IGLL5: variants seen among roughly 807,000 people sequenced by gnomAD.
IGLL5 encodes immunoglobulin lambda like polypeptide 5, also known as immunoglobulin lambda-like polypeptide 5.
A neutral mutation model predicts 20.9 loss-of-function variants in IGLL5; 30 were observed. The observed-to-expected ratio is 1.44, with a 90% confidence interval of 1.07 to 1.95. The LOEUF (loss-of-function observed/expected upper bound fraction) is 1.95. IGLL5 is among the 30% of genes most tolerant of loss of function. IGLL5 has a pLI of 0.00. For missense variants in IGLL5, 475 were observed against 270.7 expected (o/e 1.75, Z -5.30); for synonymous variants, 203 against 117.3 (o/e 1.73, Z -4.72).
chr22:22,888,316 G>T (rs547579425), intron 1 of IGLL5, 57 bp downstream of exon 1: 5 of 1,502,444 alleles, frequency 3.3e-6, no homozygotes, highest in East Asian at 2.5e-5. Flanking sequence ...CTGGGAAAGG[G>T]TGACCAAGGG....
intron 1 of IGLL5, 31 bp downstream of exon 1, chr22:22,888,290 G>C (rs1291471006): frequency 6.5e-7 from 1 of 1,540,084 alleles, no homozygotes; most frequent in Non-Finnish European, 8.8e-7. Flanking sequence ...GGGGATGTGG[G>C]GGTCCTGCAG....
In IGLL5 at chr22:22,895,901, A is replaced by G. The variant is rs1404984764; in HGVS notation, c.*207A>G. 1 of 627,722 alleles carries G rather than the reference A, an allele frequency of 1.6e-6. No homozygotes were observed. The highest frequency in any genetic ancestry group is 2.8e-6 in the Non-Finnish European group (1 of 354,074). 38.9% of individuals were successfully genotyped at this position (627,722 alleles called of 1,614,324 possible). A position where few individuals can be genotyped will look rare whatever the true frequency, so the allele number is the denominator to read the frequency against. On this transcript the variant is annotated 3_prime_UTR_variant, in exon 3 of 3. Transcript: ENST00000526893. ...CTCCCCGGGGTTCTCAGTGTGGGGTACAGGGAATTCTGCACCCAGTGTGAA... is the reference window on the plus strand; with the variant it reads ...CTCCCCGGGGTTCTCAGTGTGGGGTGCAGGGAATTCTGCACCCAGTGTGAA...
At chr22:22,894,444 A>C (rs570958590) in intron 2 of IGLL5, among the ~76,000 whole-genome samples, 2 of 151,486 alleles carry the variant, frequency 1.3e-5, no homozygotes, top group Middle Eastern at 3.7e-3. Flanking sequence ...GCCAGAATCC[A>C]ACCCTCCCAG....
rs377386521 is a variant in IGLL5 at position 22,895,565 on chromosome 22, C to G, written c.516C>G (p.Asn172Lys). The change falls in exon 3 of 3, where the codon AAC becomes AAG. Residue 172 changes from asparagine (N) to lysine (K), a missense_variant. Physicochemically the swap from Asn to Lys is moderately conservative, Grantham distance 94 (BLOSUM62 0). Transcript: ENST00000526893. ...ETTKPSKQSN[N>K]KYAASSYLSL... ...CCAAACCCTCCAAACAGAGCAACAA[C>G]AAGTACGCGGCCAGCAGCTACCTGA... 6.2e-6 allele frequency: 10 copies of G among 1,613,170 alleles called. No homozygotes were observed. Among genetic ancestry groups the G allele is most frequent in the Non-Finnish European group, 8.5e-6 (10 of 1,179,762 alleles).
Position 22,888,144 on chromosome 22 carries a change from C to G in IGLL5, c.91C>G (p.Leu31Val), listed in dbSNP as rs1364447146. 1 of 1,549,732 alleles carries G rather than the reference C, an allele frequency of 6.5e-7. No individual in the cohort carries two copies. Among genetic ancestry groups the G allele is most frequent in the Admixed American group, 2.0e-5 (1 of 50,852 alleles). The part of the protein sequence containing the change: ...RQRWPLLLLG[L>V]AMVAHGLLRP... ...GCGCTGGCCCCTGCTGCTGCTGGGT[C>G]TGGCCATGGTCGCCCATGGCCTGCT... Residue 31 changes from leucine to valine, a missense_variant, in exon 1 of 3, where the codon CTG becomes GTG. Leu to Val is a conservative substitution (Grantham distance 32). Transcript: ENST00000526893.
intron 1 of IGLL5, among the ~76,000 whole-genome samples, chr22:22,889,401 T>A (rs2145995376): frequency 6.6e-6 from 1 of 151,198 alleles, no homozygotes; most frequent in East Asian, 2.0e-4. Context: ...CAAAGTGTGT[T>A]TATCTAAACT....
Position 22,887,857 on chromosome 22 carries a change from G to T in IGLL5, c.-197G>T, listed in dbSNP as rs2067551485. ...AGTTGGTAGATGCCCCTCTGGGAGA[G>T]ATCCCCAGGGGTGACAGCCATGGAC... On this transcript the variant is annotated 5_prime_UTR_variant, in exon 1 of 3. Coordinates refer to ENST00000526893, the MANE Select transcript of IGLL5 (RefSeq NM_001178126.2). 1.6e-6 allele frequency: 1 copy of T among 618,144 alleles called. No individual in the cohort carries two copies. The highest frequency in any genetic ancestry group is 1.8e-5 in the African/African-American group (1 of 54,204). 38.3% of individuals were successfully genotyped at this position (618,144 alleles called of 1,614,324 possible).
At chr22:22,894,232 C>T (rs2068003038) in intron 2 of IGLL5, among the ~76,000 whole-genome samples, 1 of 151,024 alleles carries the variant, frequency 6.6e-6, no homozygotes, top group African/African-American at 2.4e-5. Context: ...GGAGCAGCCC[C>T]AAGAACAGCT....
intron 1 of IGLL5, among the ~76,000 whole-genome samples, 166 bp downstream of exon 1, chr22:22,888,425 T>G (rs559175228): frequency 1.3e-5 from 2 of 151,448 alleles, no homozygotes; most frequent in Admixed American, 6.6e-5. Context: ...CATCACAGAT[T>G]TGTTTGAATT....
At chr22:22,888,778 A>T (rs563180671) in intron 1 of IGLL5, among the ~76,000 whole-genome samples, 1 of 151,384 alleles carries the variant, frequency 6.6e-6, no homozygotes, top group Non-Finnish European at 1.5e-5. Context: ...AGGCTCAAGG[A>T]CACAGGGAGG....
At chr22:22,889,036 A>G (rs1490745000) in intron 1 of IGLL5, among the ~76,000 whole-genome samples, 2 of 151,370 alleles carry the variant, frequency 1.3e-5, no homozygotes, top group Middle Eastern at 3.7e-3. Flanking sequence ...GGGTCCGTGC[A>G]CCATTCCCAG....
chr22:22,894,945 A>G (rs138588763), intron 2 of IGLL5, among the ~76,000 whole-genome samples: 4 of 151,434 alleles, frequency 2.6e-5, no homozygotes, highest in Admixed American at 6.6e-5. Context: ...GTCCTACAGG[A>G]TGAGCAGGGG....
At chr22:22,891,618 G>T (rs765709517) in intron 1 of IGLL5, among the ~76,000 whole-genome samples, 7 of 151,226 alleles carry the variant, frequency 4.6e-5, no homozygotes, top group Non-Finnish European at 8.8e-5. Context: ...TTTGAGAACT[G>T]CTATCTTTAT....
chr22:22,888,311 A>G (rs186538101), intron 1 of IGLL5, 52 bp downstream of exon 1: 11 of 1,517,458 alleles, frequency 7.2e-6, no homozygotes, highest in Middle Eastern at 2.3e-4. Flanking sequence ...CAGAGCTGGG[A>G]AAGGGTGACC....
intron 2 of IGLL5, among the ~76,000 whole-genome samples, chr22:22,894,094 T>C (rs1376137495): frequency 6.6e-6 from 1 of 151,126 alleles, no homozygotes; most frequent in Non-Finnish European, 1.5e-5. Flanking sequence ...GATGTCTGAG[T>C]GAGGGACAGA....
rs17850250 is a variant in IGLL5 at position 22,895,439 on chromosome 22, C to T, written c.390C>T (p.Asn130=). ...CCTCCTCTGAGGAGCTCCAAGCCAACAAGGCCACACTAGTGTGTCTGATCA... is the reference window on the plus strand; with the variant it reads ...CCTCCTCTGAGGAGCTCCAAGCCAATAAGGCCACACTAGTGTGTCTGATCA... ...FPPSSEELQA[N]KATLVCLISD... The change falls in exon 3 of 3, where the codon AAC becomes AAT. Residue 130 remains asparagine, a synonymous_variant. Coordinates refer to ENST00000526893, the MANE Select transcript of IGLL5 (RefSeq NM_001178126.2). 6.2e-7 allele frequency: 1 copy of T among 1,612,978 alleles called. No homozygotes were observed. Among genetic ancestry groups the T allele is most frequent in the South Asian group, 1.1e-5 (1 of 91,018 alleles).
intron 2 of IGLL5, among the ~76,000 whole-genome samples, chr22:22,894,562 C>G (rs1601627275): frequency 6.6e-6 from 1 of 151,516 alleles, no homozygotes; most frequent in East Asian, 2.0e-4. Flanking sequence ...CGGCCTCCTG[C>G]CTTCCTCAAA....
chr22:22,888,388 G>C lies in IGLL5; in HGVS notation c.206+129G>C, dbSNP rs533467906. On this transcript the variant is annotated intron_variant, in intron 1 of 2. Transcript: ENST00000526893. ...CTAAGAGGGGCCTGGGCTGACACTG[G>C]CTTTAGTAATGGGTTGATATTTTGT... 2.4e-5 allele frequency: 18 copies of C among 737,254 alleles called. 2 individuals are homozygous for C. The highest frequency in any genetic ancestry group is 8.2e-5 in the East Asian group (3 of 36,588). The allele number at this position is 737,254 out of a possible 1,614,324, so 45.7% of individuals were successfully genotyped here. A position where few individuals can be genotyped will look rare whatever the true frequency, so the allele number is the denominator to read the frequency against.
chr22:22,888,599 C>T (rs2067620846), intron 1 of IGLL5, among the ~76,000 whole-genome samples: 1 of 151,342 alleles, frequency 6.6e-6, no homozygotes, highest in Non-Finnish European at 1.5e-5. Context: ...GTGGTGGCCA[C>T]TGTCCCCACA....
Sources: gnomAD v4.1 joint callset for allele counts (sites outside exome capture counted in the v4.1 genomes callset) on GRCh38, gnomAD v4.1.1 for gene constraint, MANE v1.5 for transcripts, NCBI Gene and HGNC (gene_info 2026-07-23, HGNC 2026-07-21) for gene names.